Variants in DMBT1 observed in about 807,000 individuals in gnomAD.
DMBT1 encodes the protein deleted in malignant brain tumors 1.
Under a neutral mutation model 252.9 loss-of-function variants are expected in DMBT1, and 198 were observed. The ratio of observed to expected loss-of-function variants is 0.78; its 90% confidence interval spans 0.70 to 0.88. The LOEUF (loss-of-function observed/expected upper bound fraction) is 0.88, where lower values mean the gene tolerates loss of function less well. Among genes scored for constraint, DMBT1 ranks in the 40% least tolerant of loss-of-function variants. The pLI is 0.00. For missense variants in DMBT1, 2,432 were observed against 2,404.7 expected, an observed-to-expected ratio of 1.01 and a Z score of -0.24; for synonymous variants, 990 against 942.7, an observed-to-expected ratio of 1.05 and a Z score of -0.92.
At chr10:122,641,895 A>T (rs1348428316) in intron 55 of DMBT1, among the ~76,000 whole-genome samples, 2 of 152,212 alleles carry the variant, frequency 1.3e-5, no homozygotes, top group Non-Finnish European at 1.5e-5. Context: ...GGCTCCAAAC[A>T]CACCCTGCCC....
rs776699338 is a variant in DMBT1, at chr10:122,640,021, T to C, written c.6943-19T>C. ...AGGTGACATGTGCCTGACTCTGCTC[T>C]CTTGCCTGCCTCTCCTAGGCAGACA... On this transcript the variant is annotated intron_variant, in intron 54 of 55. Coordinates refer to ENST00000338354, the MANE Select transcript of DMBT1 (RefSeq NM_001377530.1). 1.9e-6 allele frequency: 3 copies of C among 1,607,376 alleles called. No individual in the cohort carries two copies. The South Asian group carries it at 3.3e-5, about 18-fold the overall frequency.
intron 52 of DMBT1, 74 bp from the exon 53 acceptor site, chr10:122,635,917 C>A: frequency 6.6e-7 from 1 of 1,525,570 alleles, no homozygotes; most frequent in Non-Finnish European, 9.0e-7. Context: ...AGGTGTGACC[C>A]CACCCTGAGA....
At chr10:122,580,269 C>A (rs1307085553) in intron 10 of DMBT1, among the ~76,000 whole-genome samples, 1 of 152,200 alleles carries the variant, frequency 6.6e-6, no homozygotes, top group African/African-American at 2.4e-5. Flanking sequence ...CTGCGAGGAA[C>A]TCTGAACTAA....
chr10:122,591,395 G>C, intron 18 of DMBT1, 84 bp from the exon 19 acceptor site: 1 of 1,403,210 alleles, frequency 7.1e-7, no homozygotes, highest in African/African-American at 1.4e-5. Flanking sequence ...TATTCATGAT[G>C]CTTGCCTTGT....
chr10:122,599,172 A>G (rs1319343518), intron 26 of DMBT1, 75 bp downstream of exon 26: 3 of 1,607,402 alleles, frequency 1.9e-6, no homozygotes, highest in Non-Finnish European at 2.5e-6. Context: ...TTACATTCTG[A>G]TCTCCTCACT....
chr10:122,571,741 C>T (rs2097665687), intron 4 of DMBT1, among the ~76,000 whole-genome samples: 1 of 152,194 alleles, frequency 6.6e-6, no homozygotes, highest in African/African-American at 2.4e-5. Context: ...GCAACTCTGG[C>T]ATTCAGTGTT....
intron 26 of DMBT1, among the ~76,000 whole-genome samples, chr10:122,599,678 C>T (rs768269664): frequency 6.6e-6 from 1 of 152,170 alleles, no homozygotes; most frequent in African/African-American, 2.4e-5. Flanking sequence ...GAGGGCAGCC[C>T]CCATGAGGCC....
Position 122,632,929 on chromosome 10 carries a change from G to A in DMBT1, c.6397+39G>A, listed in dbSNP as rs117324525. 5.3e-4 allele frequency: 855 copies of A among 1,612,914 alleles called. 1 individual carries two copies. The highest frequency in any genetic ancestry group is 4.7e-4 in the Non-Finnish European group (550 of 1,179,478). ...TCCCTGACAAGTCTGTGGCAGAGTG[G>A]CCTGGAAATTCCCCTTCCCATTTCC... On this transcript the variant is annotated intron_variant, in intron 51 of 55. Coordinates refer to ENST00000338354, the MANE Select transcript of DMBT1 (RefSeq NM_001377530.1).
intron 8 of DMBT1, 82 bp from the exon 9 acceptor site, chr10:122,578,636 T>A (rs1381289695): frequency 8.1e-7 from 1 of 1,230,558 alleles, no homozygotes; most frequent in East Asian, 2.5e-5. Context: ...TCACAGTGCT[T>A]GCCTGGTCCA....
Position 122,577,855 on chromosome 10 carries a change from T to A in DMBT1, c.637+15T>A. 1 of 1,613,440 alleles carries A rather than the reference T, an allele frequency of 6.2e-7. No homozygotes were observed. Among genetic ancestry groups the A allele is most frequent in the Non-Finnish European group, 8.5e-7 (1 of 1,179,596 alleles). On this transcript the variant is annotated intron_variant, in intron 8 of 55. Transcript: ENST00000338354. ...ACTCAGGCCAGGTGAGTCCCCAGAA[T>A]CCTTCCTCGGGATACCCCTTCTCTT...
In DMBT1 at chr10:122,618,239, T is replaced by C; in HGVS notation, c.5114T>C (p.Val1705Ala). The C allele has an allele frequency of 6.2e-7, 1 of 1,613,764 alleles. No individual in the cohort carries two copies. Among genetic ancestry groups the C allele is most frequent in the Non-Finnish European group, 8.5e-7 (1 of 1,179,750 alleles). The change falls in exon 41 of 56, where the codon GTG (valine) becomes GCG (alanine). Residue 1705 changes from valine (V) to alanine (A), a missense_variant. Physicochemically the swap from Val to Ala is moderately conservative, Grantham distance 64 (BLOSUM62 0). Transcript: ENST00000338354. ...QGSGPIVLDDVRCSGHESYLW... is the reference protein window; with the variant it reads ...QGSGPIVLDDARCSGHESYLW... ...TCAGGACCCATTGTCCTGGATGATG[T>C]GCGCTGCTCAGGACACGAGTCTTAC...
Position 122,572,287 on chromosome 10 carries a change from T to C in DMBT1, c.188-27T>C, listed in dbSNP as rs771495496. ...CTCTTCAAGCAAGGGCTACCATCAA[T>C]GAGCTCTTCCTTTCTCCACCCTGCA... On this transcript the variant is annotated intron_variant, in intron 4 of 55. Transcript: ENST00000338354. 3 of 1,612,956 alleles carry C rather than the reference T, an allele frequency of 1.9e-6. No homozygotes were observed. In the South Asian group the frequency reaches 3.3e-5, roughly 18 times the overall value.
At chr10:122,576,350 C>T (rs1985025) in intron 6 of DMBT1, 49 bp from the exon 7 acceptor site, 1,093,977 of 1,598,998 alleles carry the variant, frequency 0.68, 376,852 homozygotes, top group Admixed American at 0.81. Context: ...GCCCTGAGAC[C>T]TTGTGCCTCA....
chr10:122,562,161 T>G (rs866126683), intron 1 of DMBT1, among the ~76,000 whole-genome samples: 7 of 152,036 alleles, frequency 4.6e-5, no homozygotes, highest in African/African-American at 1.7e-4. Context: ...CTCTCTTTAT[T>G]CATTTCTTTC....
chr10:122,578,045 T>TTCA (rs1337431780), intron 8 of DMBT1, among the ~76,000 whole-genome samples: 2 of 152,192 alleles, frequency 1.3e-5, no homozygotes, highest in African/African-American at 4.8e-5. Flanking sequence ...CATCTCAGCT[T>TTCA]TCATCACACA....
chr10:122,590,561 C>T, intron 17 of DMBT1, 104 bp from the exon 18 acceptor site: 1 of 1,354,990 alleles, frequency 7.4e-7, no homozygotes, highest in Non-Finnish European at 1.0e-6. Context: ...GTGATGGGGA[C>T]ATAGGGTGGA....
chr10:122,631,381 C>A, intron 49 of DMBT1, 100 bp downstream of exon 49: 1 of 1,458,314 alleles, frequency 6.9e-7, no homozygotes, highest in Non-Finnish European at 9.4e-7. Context: ...CAGGCAGGAG[C>A]TGGTCATTGT....
rs542097516 is a variant in DMBT1 at position 122,622,654 on chromosome 10, C to T, written c.5608+1274C>T. Among the ~76,000 whole-genome samples, 7 of 152,314 alleles carry T rather than the reference C, an allele frequency of 4.6e-5. No homozygotes were observed. In the South Asian group the frequency reaches 1.5e-3, roughly 32 times the overall value. ...CAAGGCCTGGGAGGACTTTGATTGA[C>T]CTGCTTGTAAACAGGTGCTTTCTTC... On this transcript the variant is annotated intron_variant, in intron 44 of 55. Coordinates refer to ENST00000338354, the MANE Select transcript of DMBT1 (RefSeq NM_001377530.1).
intron 50 of DMBT1, among the ~76,000 whole-genome samples, 171 bp from the exon 51 acceptor site, chr10:122,632,690 G>A (rs374592200): frequency 6.6e-6 from 1 of 151,912 alleles, no homozygotes; most frequent in Non-Finnish European, 1.5e-5. Flanking sequence ...GCTGGGATTC[G>A]CTCTCCTCCA....
Sources: allele counts gnomAD v4.1 joint callset (sites outside exome capture counted in the v4.1 genomes callset), GRCh38; gene constraint gnomAD v4.1.1; transcripts MANE v1.5; gene names NCBI Gene and HGNC (gene_info 2026-07-23, HGNC 2026-07-21).